Variants in RPS6KA6 observed in about 807,000 individuals in gnomAD.
RPS6KA6 encodes ribosomal protein S6 kinase alpha-6.
A neutral mutation model predicts 65.4 loss-of-function variants in RPS6KA6; 27 were observed. That is an observed-to-expected ratio of 0.41 (90% CI 0.30 to 0.57). RPS6KA6 has a LOEUF of 0.57. RPS6KA6 is among the 20% of genes least tolerant of loss of function. The probability of loss-of-function intolerance (pLI) is 0.24; values close to 1 mark genes in which losing one functional copy is unlikely to be tolerated. For synonymous variants in RPS6KA6, 190 were observed against 184.2 expected (o/e 1.03, Z -0.26); for missense variants, 486 against 555.6 (o/e 0.87, Z 1.26).
intron 8 of RPS6KA6, among the ~76,000 whole-genome samples, chrX:84,120,337 T>A (rs1477894857): frequency 1.8e-5 from 2 of 111,449 alleles, no homozygotes; most frequent in African/African-American, 6.5e-5. Context: ...TGATCTAAGT[T>A]TTAAAATAGA....
intron 6 of RPS6KA6, among the ~76,000 whole-genome samples, chrX:84,138,793 C>A (rs1375239776): frequency 1.6e-5 from 1 of 60,997 alleles, no homozygotes; most frequent in Admixed American, 2.5e-4. Context: ...GTTTGTTTAC[C>A]TGTGTATTTG....
In RPS6KA6 at chrX:84,148,507, C is replaced by A. The variant is rs184432825; in HGVS notation, c.259-384G>T. On this transcript the variant is annotated intron_variant, in intron 3 of 21. Coordinates refer to ENST00000262752, the MANE Select transcript of RPS6KA6 (RefSeq NM_014496.5). ...AAAAAACTGTTATGATTTAATAAAT[C>A]ATAATGCATATAAATACTACTATAG... Among the ~76,000 whole-genome samples, 276 of 110,476 alleles carry A rather than the reference C, an allele frequency of 2.5e-3. 2 individuals are homozygous for A. The highest frequency in any genetic ancestry group is 0.023 in the Admixed American group (236 of 10,255).
chrX:84,107,112 T>C, intron 13 of RPS6KA6, 72 bp from the exon 14 acceptor site: 1 of 905,646 alleles, frequency 1.1e-6, no homozygotes, highest in East Asian at 3.3e-5. Flanking sequence ...CAGAATTTCT[T>C]TAACTATAAA....
Position 84,147,737 on chromosome X carries a change from CAGAT to C in RPS6KA6, c.340+301_340+304del, listed in dbSNP as rs745340815. Among the ~76,000 whole-genome samples the C allele has an allele frequency of 1.2e-3, 135 of 111,822 alleles. 1 individual carries two copies. Among genetic ancestry groups the C allele is most frequent in the African/African-American group, 4.2e-3 (130 of 30,794 alleles). The stretch of plus-strand genomic sequence containing the variant: ...GCTTTCTCAATATGTAATACTGACA[CAGAT>C]AGAAAAGGAAAAACCAAGAATCTTG... On this transcript the variant is annotated intron_variant, in intron 4 of 21. Transcript: ENST00000262752.
chrX:84,116,754 G>C (rs772170316), intron 11 of RPS6KA6, among the ~76,000 whole-genome samples: 14 of 106,916 alleles, frequency 1.3e-4, no homozygotes, highest in Non-Finnish European at 2.5e-4. Flanking sequence ...ATTGGGGGGG[G>C]GCAAAATATC....
At chrX:84,123,728 C>T (rs1032964444) in intron 8 of RPS6KA6, among the ~76,000 whole-genome samples, 1 of 112,329 alleles carries the variant, frequency 8.9e-6, no homozygotes, top group Non-Finnish European at 1.9e-5. Context: ...GGCTCCCAGA[C>T]AGCATGCCTG....
intron 6 of RPS6KA6, among the ~76,000 whole-genome samples, chrX:84,137,590 A>C (rs780820142): frequency 8.9e-6 from 1 of 112,000 alleles, no homozygotes; most frequent in East Asian, 2.8e-4. Flanking sequence ...GCAGTTTACG[A>C]AAGCATCTGT....
At chrX:84,114,609 C>T (rs897311858) in intron 12 of RPS6KA6, among the ~76,000 whole-genome samples, 80 of 111,780 alleles carry the variant, frequency 7.2e-4, no homozygotes, top group African/African-American at 2.5e-3. Context: ...AAATAACAAT[C>T]CTAATGTTTA....
chrX:84,141,104 G>A (rs1176309861), intron 6 of RPS6KA6, among the ~76,000 whole-genome samples: 2 of 111,080 alleles, frequency 1.8e-5, no homozygotes, highest in Non-Finnish European at 3.8e-5. Context: ...TGAAAATAAA[G>A]GTATCTAGCA....
At chrX:84,096,815 G>A (rs1308610767) in intron 19 of RPS6KA6, among the ~76,000 whole-genome samples, 1 of 110,459 alleles carries the variant, frequency 9.1e-6, no homozygotes, top group Non-Finnish European at 1.9e-5. Flanking sequence ...TATGTATATC[G>A]ACACAAAACT....
At chrX:84,187,619 C>T (rs921278455) in intron 1 of RPS6KA6, among the ~76,000 whole-genome samples, 200 bp downstream of exon 1, 2 of 112,206 alleles carry the variant, frequency 1.8e-5, no homozygotes, top group South Asian at 7.4e-4. Flanking sequence ...CGGGCCCAGG[C>T]TGCACTCACT....
At chrX:84,102,002 A>G in intron 18 of RPS6KA6, 35 bp downstream of exon 18, 3 of 1,114,621 alleles carry the variant, frequency 2.7e-6, no homozygotes, top group Non-Finnish European at 3.6e-6. Context: ...AAAGGAAAAG[A>G]ATGAAAGGCA....
intron 1 of RPS6KA6, among the ~76,000 whole-genome samples, chrX:84,182,258 T>A (rs2035867725): frequency 9.0e-6 from 1 of 110,763 alleles, no homozygotes; most frequent in African/African-American, 3.3e-5. Flanking sequence ...ATCTAACTCC[T>A]TTCCTACCTA....
intron 20 of RPS6KA6, among the ~76,000 whole-genome samples, chrX:84,075,473 A>C (rs928346857): frequency 9.0e-6 from 1 of 111,428 alleles, no homozygotes; most frequent in Non-Finnish European, 1.9e-5. Flanking sequence ...AAGAATATTT[A>C]AATAAATAAT....
chrX:84,094,112 T>C (rs2034101853), intron 20 of RPS6KA6, among the ~76,000 whole-genome samples: 1 of 109,700 alleles, frequency 9.1e-6, no homozygotes, highest in Non-Finnish European at 1.9e-5. Flanking sequence ...GTATAGAAAG[T>C]GGTGAGGAGC....
chrX:84,125,886 G>T (rs181381394), intron 8 of RPS6KA6, among the ~76,000 whole-genome samples: 1 of 110,762 alleles, frequency 9.0e-6, no homozygotes, highest in Admixed American at 9.7e-5. Flanking sequence ...TAAAGAGAAA[G>T]AAACTAAATC....
At chrX:84,125,937 G>A (rs11092122) in intron 8 of RPS6KA6, among the ~76,000 whole-genome samples, 60,666 of 110,112 alleles carry the variant, frequency 0.55, 13,660 homozygotes, top group Non-Finnish European at 0.71. Flanking sequence ...AGGAGGGCAG[G>A]GAGGAAGAAA....
chrX:84,159,646 C>T (rs2035478770), intron 2 of RPS6KA6, among the ~76,000 whole-genome samples: 1 of 110,732 alleles, frequency 9.0e-6, no homozygotes, highest in African/African-American at 3.3e-5. Context: ...ACATCACATC[C>T]GTCAAAGAAA....
intron 12 of RPS6KA6, among the ~76,000 whole-genome samples, chrX:84,116,010 T>C (rs1434452846): frequency 9.0e-6 from 1 of 111,202 alleles, no homozygotes; most frequent in African/African-American, 3.3e-5. Flanking sequence ...GTTTGGTTGA[T>C]GGGTACATTA....
Sources: gnomAD v4.1 joint callset for allele counts (sites outside exome capture counted in the v4.1 genomes callset) on GRCh38, gnomAD v4.1.1 for gene constraint, MANE v1.5 for transcripts, NCBI Gene and HGNC (gene_info 2026-07-23, HGNC 2026-07-21) for gene names.